GABRB1: variants seen among roughly 807,000 people sequenced by gnomAD.
GABRB1 encodes the protein gamma-aminobutyric acid receptor subunit beta-1.
In GABRB1, 17 loss-of-function variants were observed where a neutral mutation model predicts 51.6. The observed-to-expected ratio is 0.33, with a 90% CI of 0.23 to 0.49. The LOEUF (loss-of-function observed/expected upper bound fraction) is 0.49, where lower values mean the gene tolerates loss of function less well. GABRB1 is among the 20% of genes least tolerant of loss of function. The pLI, the probability that GABRB1 is intolerant of heterozygous loss-of-function variation, is 0.99. For missense variants in GABRB1, 410 were observed against 600.6 expected (o/e 0.68, Z 3.32); for synonymous variants, 247 against 218.9 (o/e 1.13, Z -1.14).
chr4:47,414,704 C>T (rs1188598953), intron 8 of GABRB1, among the ~76,000 whole-genome samples: 1 of 152,304 alleles, frequency 6.6e-6, no homozygotes, highest in Non-Finnish European at 1.5e-5. Context: ...GATCTGGCCT[C>T]TTCTCTCCCA....
intron 8 of GABRB1, among the ~76,000 whole-genome samples, chr4:47,423,200 A>G (rs1222549864): frequency 6.6e-6 from 1 of 152,208 alleles, no homozygotes; most frequent in African/African-American, 2.4e-5. Context: ...TGACCTGAAG[A>G]TCATTTTTAC....
At chr4:47,156,826 G>A (rs1002743318) in intron 3 of GABRB1, among the ~76,000 whole-genome samples, 1 of 151,926 alleles carries the variant, frequency 6.6e-6, no homozygotes, top group African/African-American at 2.4e-5. Flanking sequence ...AAATTAGGCA[G>A]ACATGGTGGT....
chr4:47,370,534 G>C (rs765415125), intron 5 of GABRB1, among the ~76,000 whole-genome samples: 1 of 151,880 alleles, frequency 6.6e-6, no homozygotes, highest in Admixed American at 6.6e-5. Flanking sequence ...GGAGGCTTTA[G>C]GCAACACGCA....
At chr4:47,021,582 C>A (rs985026988) in intron 1 of GABRB1, among the ~76,000 whole-genome samples, 2 of 152,122 alleles carry the variant, frequency 1.3e-5, no homozygotes, top group Admixed American at 1.3e-4. Flanking sequence ...CTTGAATATT[C>A]CAACTTTTTT....
At chr4:47,414,993 A>G (rs878888799) in intron 8 of GABRB1, among the ~76,000 whole-genome samples, 1 of 152,186 alleles carries the variant, frequency 6.6e-6, no homozygotes, top group African/African-American at 2.4e-5. Context: ...CTGTGTTGAT[A>G]GTTCATGAAT....
At position 47,254,361 on chromosome 4, in the gene GABRB1, G is replaced by GGT. The variant is rs1305298443; in HGVS notation, c.462-65766_462-65765insGT. Among the ~76,000 whole-genome samples, 378 of 80,968 alleles carry GGT rather than the reference G, an allele frequency of 4.7e-3. 97 individuals carry two copies. The highest frequency in any genetic ancestry group is 0.014 in the African/African-American group (276 of 19,290). 53.1% of individuals were successfully genotyped at this position (80,968 alleles called of 152,430 possible). On this transcript the variant is annotated intron_variant, in intron 4 of 8. Coordinates refer to ENST00000295454, the MANE Select transcript of GABRB1 (RefSeq NM_000812.4). The stretch of plus-strand genomic sequence containing the variant: ...ATGGTGGATGATGTTTCTTTTCTTT[G>GGT]TTTTTTTTTTTTTTTTTTTTTTTTT...
At chr4:47,195,484 TA>T (rs200999790) in intron 4 of GABRB1, among the ~76,000 whole-genome samples, 1 of 114,802 alleles carries the variant, frequency 8.7e-6, no homozygotes, top group African/African-American at 3.1e-5. Context: ...GATAGATAGA[TA>T]GATAGATAGA....
At chr4:47,120,639 C>T (rs192621629) in intron 3 of GABRB1, among the ~76,000 whole-genome samples, 11 of 152,296 alleles carry the variant, frequency 7.2e-5, no homozygotes, top group Admixed American at 1.3e-4. Flanking sequence ...GCATGTACTC[C>T]TAGTTACAGG....
rs1578013052 is a variant in GABRB1, at chr4:47,223,039, T to C, written c.461+61570T>C. ...TTGTAGTACCCCAGGTTCTTCATAG[T>C]CCAGCAAAGGAGGAGCAATATCCCT... On this transcript the variant is annotated intron_variant, in intron 4 of 8. Coordinates refer to ENST00000295454, the MANE Select transcript of GABRB1 (RefSeq NM_000812.4). Among the ~76,000 whole-genome samples, 4 of 152,218 alleles carry C rather than the reference T, an allele frequency of 2.6e-5. No homozygotes were observed. The South Asian group carries it at 8.3e-4, about 32-fold the overall frequency.
intron 3 of GABRB1, among the ~76,000 whole-genome samples, chr4:47,077,171 G>A (rs141196836): frequency 7.9e-5 from 12 of 152,222 alleles, no homozygotes; most frequent in East Asian, 1.9e-4. Context: ...GGGCTCTATC[G>A]AAATGTACCG....
At chr4:47,052,940 G>A (rs760202135) in intron 3 of GABRB1, among the ~76,000 whole-genome samples, 2 of 152,166 alleles carry the variant, frequency 1.3e-5, no homozygotes, top group Non-Finnish European at 2.9e-5. Flanking sequence ...AAATTAAAAT[G>A]TGAGAAAAAA....
chr4:47,127,952 TAAAC>T (rs1716235803), intron 3 of GABRB1, among the ~76,000 whole-genome samples: 1 of 150,342 alleles, frequency 6.7e-6, no homozygotes, highest in African/African-American at 2.4e-5. Context: ...AGGAGAAAAA[TAAAC>T]AAAAAAAGAG....
chr4:47,030,883 A>T (rs1725267620), upstream of GABRB1, among the ~76,000 whole-genome samples: 1 of 152,176 alleles, frequency 6.6e-6, no homozygotes, highest in Non-Finnish European at 1.5e-5. Context: ...TTGCCTGCCC[A>T]GAACTGCTGC....
At chr4:47,220,321 T>C (rs1372497) in intron 4 of GABRB1, among the ~76,000 whole-genome samples, 50,853 of 151,744 alleles carry the variant, frequency 0.34, 8,833 homozygotes, top group African/African-American at 0.35. Context: ...AATTCTTTGC[T>C]CTCTTCTACT....
chr4:47,258,956 C>T (rs763289296), intron 4 of GABRB1, among the ~76,000 whole-genome samples: 1 of 152,018 alleles, frequency 6.6e-6, no homozygotes, highest in Non-Finnish European at 1.5e-5. Flanking sequence ...ATATCCCTAC[C>T]CAAATTTCTG....
chr4:47,199,288 C>A (rs574831296), intron 4 of GABRB1, among the ~76,000 whole-genome samples: 1 of 152,242 alleles, frequency 6.6e-6, no homozygotes, highest in South Asian at 2.1e-4. Flanking sequence ...GTGGGACAGA[C>A]AAGGGTGTGG....
At chr4:47,371,085 T>TCC (rs59604624) in intron 5 of GABRB1, among the ~76,000 whole-genome samples, 2 of 129,630 alleles carry the variant, frequency 1.5e-5, no homozygotes, top group African/African-American at 6.0e-5. Flanking sequence ...ATGCTCTCCC[T>TCC]CCCCCACCCC....
At chr4:47,056,519 C>T (rs575598082) in intron 3 of GABRB1, among the ~76,000 whole-genome samples, 2 of 152,188 alleles carry the variant, frequency 1.3e-5, no homozygotes, top group East Asian at 3.9e-4. Flanking sequence ...TCGTTTTTTT[C>T]TCTACCTTAA....
At chr4:47,234,738 G>C (rs1866183506) in intron 4 of GABRB1, among the ~76,000 whole-genome samples, 1 of 152,168 alleles carries the variant, frequency 6.6e-6, no homozygotes. Flanking sequence ...ACTTAGATCT[G>C]AGTGTATGTT....
Sources: gnomAD v4.1 joint callset for allele counts (sites outside exome capture counted in the v4.1 genomes callset) on GRCh38, gnomAD v4.1.1 for gene constraint, MANE v1.5 for transcripts, NCBI Gene and HGNC (gene_info 2026-07-23, HGNC 2026-07-21) for gene names.